The following POLR3E variants were observed in gnomAD, a reference collection of about 807,000 sequenced individuals.
The protein encoded by POLR3E is RNA polymerase III subunit E, also known as DNA-directed RNA polymerase III subunit RPC5.
A neutral mutation model predicts 96.6 loss-of-function variants in POLR3E; 41 were observed. That is an observed-to-expected ratio of 0.42 (90% CI 0.33 to 0.55). The LOEUF (loss-of-function observed/expected upper bound fraction) is 0.55, where lower values mean the gene tolerates loss of function less well. Among genes scored for constraint, POLR3E ranks in the 20% least tolerant of loss-of-function variants. The probability of loss-of-function intolerance (pLI) is 0.06; values close to 1 mark genes in which losing one functional copy is unlikely to be tolerated. For missense variants in POLR3E, 849 were observed against 952.1 expected, an observed-to-expected ratio of 0.89 and a Z score of 1.43; for synonymous variants, 396 against 383.6, an observed-to-expected ratio of 1.03 and a Z score of -0.38.
At chr16:22,320,261 G>A (rs754402735) in intron 13 of POLR3E, among the ~76,000 whole-genome samples, 12 of 151,938 alleles carry the variant, frequency 7.9e-5, no homozygotes, top group Non-Finnish European at 1.2e-4. Context: ...CACAGGATTG[G>A]TGTATTTTTA....
chr16:22,321,702 C>T (rs901594043), intron 13 of POLR3E, among the ~76,000 whole-genome samples: 4 of 152,226 alleles, frequency 2.6e-5, no homozygotes, highest in Admixed American at 6.5e-5. Context: ...CTGGGCTCTG[C>T]ACCCAGCACT....
At chr16:22,306,920 G>T (rs1048184912) in intron 3 of POLR3E, among the ~76,000 whole-genome samples, 3 of 152,222 alleles carry the variant, frequency 2.0e-5, no homozygotes, top group Non-Finnish European at 2.9e-5. Context: ...CAGCAATGTT[G>T]TAAGCCTGTG....
At chr16:22,316,455 C>T (rs78692422) in intron 9 of POLR3E, 146 bp from the exon 10 acceptor site, 8,079 of 633,374 alleles carry the variant, frequency 0.013, 258 homozygotes, top group Admixed American at 0.071. Context: ...GCTGAGGCCA[C>T]GTCAGAGGCC....
chr16:22,326,609 C>T (rs1284787418), intron 18 of POLR3E: 1 of 446,058 alleles, frequency 2.2e-6, no homozygotes, highest in Non-Finnish European at 4.1e-6. Flanking sequence ...TTCCTACTAG[C>T]TTTGCCATTG....
At chr16:22,320,536 C>G (rs11866578) in intron 13 of POLR3E, among the ~76,000 whole-genome samples, 2,196 of 152,312 alleles carry the variant, frequency 0.014, 62 homozygotes, top group African/African-American at 0.05. Flanking sequence ...GCTGGGATTA[C>G]AGGCGTGAGC....
intron 6 of POLR3E, among the ~76,000 whole-genome samples, chr16:22,311,774 A>G (rs2048252891): frequency 1.3e-5 from 2 of 151,998 alleles, no homozygotes; most frequent in Admixed American, 1.3e-4. Context: ...GGGATTACAG[A>G]TATGAGCCAC....
intron 16 of POLR3E, 146 bp downstream of exon 16, chr16:22,324,806 A>C: frequency 2.3e-6 from 2 of 859,598 alleles, no homozygotes; most frequent in Admixed American, 4.0e-5. Context: ...TGTGAAGGGC[A>C]GGTGGGGGTC....
chr16:22,327,857 G>A (rs1363850166), intron 18 of POLR3E: 2 of 152,212 alleles, frequency 1.3e-5, no homozygotes, highest in African/African-American at 4.8e-5. Flanking sequence ...GGCCTCACAG[G>A]GCTTTTACTG....
intron 9 of POLR3E, 143 bp downstream of exon 9, chr16:22,315,351 A>ACACTTCACTCCAGCCGAGC: frequency 1.1e-6 from 1 of 873,034 alleles, no homozygotes; most frequent in Non-Finnish European, 1.7e-6. Context: ...TGGGCAGTTT[A>ACACTTCACTCCAGCCGAGC]CACTTCACTC....
intron 19 of POLR3E, among the ~76,000 whole-genome samples, chr16:22,329,948 C>T (rs2048700438): frequency 6.6e-6 from 1 of 151,142 alleles, no homozygotes; most frequent in Non-Finnish European, 1.5e-5. Flanking sequence ...TAGCTGCCCC[C>T]ATTTAAAAAA....
At chr16:22,304,106 C>T (rs1234003515) in intron 2 of POLR3E, among the ~76,000 whole-genome samples, 1 of 152,236 alleles carries the variant, frequency 6.6e-6, no homozygotes, top group African/African-American at 2.4e-5. Flanking sequence ...CCACCATGGC[C>T]GGCACAGGTT....
rs1304104729 is a variant in POLR3E at position 22,326,005 on chromosome 16, C to T, written c.1593C>T (p.Ala531=). 5 of 1,596,242 alleles carry T rather than the reference C, an allele frequency of 3.1e-6. No homozygotes were observed. The highest frequency in any genetic ancestry group is 2.6e-6 in the Non-Finnish European group (3 of 1,170,396). ...TSPSGLHSKL[A]NGLPLGRAAG... Reference sequence around the variant, plus strand: ...CCAGCGGCCTCCACAGCAAGCTGGCCAACGGGCTGCCTCTCGGGCGGGCTG... The same window carrying T: ...CCAGCGGCCTCCACAGCAAGCTGGCTAACGGGCTGCCTCTCGGGCGGGCTG... The change falls in exon 18 of 21, where the codon GCC becomes GCT. Residue 531 remains alanine (A), a synonymous_variant. Coordinates refer to ENST00000299853, the MANE Select transcript of POLR3E (RefSeq NM_018119.4).
Position 22,318,332 on chromosome 16 carries a change from G to C in POLR3E, c.866-494G>C, listed in dbSNP as rs1292888500. Among the ~76,000 whole-genome samples, 1 of 152,174 alleles carries C rather than the reference G, an allele frequency of 6.6e-6. No homozygotes were observed. The highest frequency in any genetic ancestry group is 2.4e-5 in the African/African-American group (1 of 41,446). ...TAGTCTCAAATTCCTGGCCTCAAGT[G>C]ATCTGCCTCCCTCGGCCTCCCAAAG... On this transcript the variant is annotated intron_variant, in intron 12 of 20. Transcript: ENST00000299853. The surrounding 1 kb of genome is among the most constrained non-coding windows in gnomAD (Gnocchi z 5.0).
chr16:22,314,749 A>C (rs543377552), intron 8 of POLR3E, among the ~76,000 whole-genome samples: 13 of 152,260 alleles, frequency 8.5e-5, no homozygotes, highest in African/African-American at 2.9e-4. Context: ...TCCGTAGCTT[A>C]TTAGGACCTT....
intron 16 of POLR3E, 150 bp downstream of exon 16, chr16:22,324,810 G>A (rs1257802067): frequency 2.0e-5 from 17 of 834,424 alleles, no homozygotes; most frequent in Non-Finnish European, 2.7e-5. Context: ...AAGGGCAGGT[G>A]GGGGTCCGCA....
intron 10 of POLR3E, 124 bp downstream of exon 10, chr16:22,316,810 CT>C: frequency 2.0e-6 from 2 of 987,784 alleles, no homozygotes; most frequent in South Asian, 2.7e-5. Flanking sequence ...CCATTGTCCC[CT>C]GGAGAAGGCC....
At chr16:22,331,002 T>TTTTTTTC (rs2048727520) in intron 19 of POLR3E, among the ~76,000 whole-genome samples, 1 of 110,598 alleles carries the variant, frequency 9.0e-6, no homozygotes, top group Admixed American at 8.5e-5. Flanking sequence ...TTTTTTTTTT[T>TTTTTTTC]TTTTTTTTTT....
At chr16:22,323,318 C>T (rs1013945316) in intron 14 of POLR3E, among the ~76,000 whole-genome samples, 5 of 152,162 alleles carry the variant, frequency 3.3e-5, no homozygotes, top group South Asian at 2.1e-4. Context: ...CCCCACAAGG[C>T]GCTGGCGGTC....
At chr16:22,307,239 C>T (rs2048152211) in intron 3 of POLR3E, among the ~76,000 whole-genome samples, 1 of 152,168 alleles carries the variant, frequency 6.6e-6, no homozygotes, top group Admixed American at 6.5e-5. Context: ...TCAGAACCTG[C>T]GCCCTTCAGC....
Sources: allele counts gnomAD v4.1 joint callset (sites outside exome capture counted in the v4.1 genomes callset), GRCh38; gene constraint gnomAD v4.1.1; non-coding constraint Gnocchi (gnomAD v3.1); transcripts MANE v1.5; gene names NCBI Gene and HGNC (gene_info 2026-07-23, HGNC 2026-07-21).